EVL: variants seen among roughly 807,000 people sequenced by gnomAD.
EVL encodes Enah/Vasp-like, also known as ena/VASP-like protein.
In EVL, 21 loss-of-function variants were observed where a neutral mutation model predicts 59.6. That is an observed-to-expected ratio of 0.35 (90% CI 0.25 to 0.51). EVL has a LOEUF of 0.51. EVL is among the 20% of genes least tolerant of loss of function. The probability of loss-of-function intolerance (pLI) is 0.97; values close to 1 mark genes in which losing one functional copy is unlikely to be tolerated. For missense variants in EVL, 462 were observed against 546.6 expected (o/e 0.85, Z 1.54); for synonymous variants, 198 against 203.5 (o/e 0.97, Z 0.23).
At chr14:100,056,561 G>T (rs80001880) in intron 1 of EVL, among the ~76,000 whole-genome samples, 5 of 152,114 alleles carry the variant, frequency 3.3e-5, no homozygotes, top group Admixed American at 2.6e-4. Flanking sequence ...TTTCTTTTAT[G>T]CTACTTGCAT....
intron 1 of EVL, among the ~76,000 whole-genome samples, chr14:100,047,194 G>A (rs1453511885): frequency 1.5e-5 from 2 of 134,704 alleles, no homozygotes; most frequent in South Asian, 2.5e-4. Context: ...GACAGAAACT[G>A]TCCTTGGGTT....
chr14:99,982,450 G>T (rs939926338), intron 1 of EVL, among the ~76,000 whole-genome samples: 6 of 152,276 alleles, frequency 3.9e-5, no homozygotes, highest in South Asian at 2.1e-4. Flanking sequence ...TTTTAAAGAA[G>T]AAGAAGATAA....
At chr14:99,973,714 T>C (rs1165848394) in intron 1 of EVL, among the ~76,000 whole-genome samples, 1 of 152,194 alleles carries the variant, frequency 6.6e-6, no homozygotes, top group Non-Finnish European at 1.5e-5. Context: ...CAACCCGCCT[T>C]GGCCTCCCAA....
rs1311360049 is a variant in EVL, at chr14:100,058,280, T to C, written c.6-26407T>C. On this transcript the variant is annotated intron_variant, in intron 1 of 13. Coordinates refer to the EVL transcript ENST00000402714. ...TTAATTCAAGTCAACACAGTTGTTG[T>C]TTATTGAGCATTTACTGTTTTCAAA... 5.3e-5 allele frequency among the ~76,000 whole-genome samples: 8 copies of C among 152,240 alleles called. 1 individual carries two copies.
intron 1 of EVL, among the ~76,000 whole-genome samples, chr14:100,072,153 G>A (rs780654580): frequency 2.0e-5 from 3 of 152,038 alleles, no homozygotes; most frequent in Non-Finnish European, 2.9e-5. Flanking sequence ...GTAAGCAGAC[G>A]GCTCGATCAA....
At chr14:100,017,723 G>C (rs949135745) in intron 1 of EVL, among the ~76,000 whole-genome samples, 1 of 152,184 alleles carries the variant, frequency 6.6e-6, no homozygotes, top group Non-Finnish European at 1.5e-5. Context: ...CCAAGAAGCT[G>C]CCATCACCAG....
chr14:100,001,642 C>T (rs761666499), intron 1 of EVL, among the ~76,000 whole-genome samples: 45 of 152,148 alleles, frequency 3.0e-4, no homozygotes, highest in Non-Finnish European at 3.2e-4. Flanking sequence ...GGATTTGTAC[C>T]ATCAAATAAC....
At chr14:100,136,683 G>A (rs1416484500) in intron 9 of EVL, among the ~76,000 whole-genome samples, 2 of 152,062 alleles carry the variant, frequency 1.3e-5, no homozygotes, top group Non-Finnish European at 2.9e-5. Flanking sequence ...GTTGGGTGTC[G>A]CCTCCCTGTG....
chr14:100,102,882 G>A (rs1437148122), intron 3 of EVL, among the ~76,000 whole-genome samples: 1 of 152,118 alleles, frequency 6.6e-6, no homozygotes, highest in Admixed American at 6.5e-5. Context: ...CGGATCACAA[G>A]GTCAAGAGAT....
At chr14:100,077,816 A>G (rs1310332152) in intron 1 of EVL, among the ~76,000 whole-genome samples, 1 of 152,192 alleles carries the variant, frequency 6.6e-6, no homozygotes, top group Non-Finnish European at 1.5e-5. Flanking sequence ...TCTGTCGCCC[A>G]GGCTAGAGTG....
intron 1 of EVL, among the ~76,000 whole-genome samples, chr14:100,026,360 T>C (rs2061212638): frequency 7.3e-6 from 1 of 137,074 alleles, no homozygotes; most frequent in Non-Finnish European, 1.6e-5. Context: ...GTTAAGTAAT[T>C]TGCTTAAAGT....
intron 11 of EVL, chr14:100,138,800 GGCAA>G (rs750509736): frequency 1.3e-5 from 2 of 152,752 alleles, no homozygotes; most frequent in Non-Finnish European, 2.9e-5. Context: ...AGTGGGGTGG[GGCAA>G]GCCTCTGTCG....
At chr14:100,093,816 C>T (rs111654798) in intron 2 of EVL, among the ~76,000 whole-genome samples, 3 of 152,122 alleles carry the variant, frequency 2.0e-5, no homozygotes, top group African/African-American at 7.2e-5. Flanking sequence ...TGTGGCTTTG[C>T]TTTCTGAGGT....
intron 2 of EVL, among the ~76,000 whole-genome samples, chr14:100,090,221 GAA>G (rs1338552704): frequency 6.6e-6 from 1 of 151,954 alleles, no homozygotes; most frequent in Non-Finnish European, 1.5e-5. Context: ...TTGAGAGTGA[GAA>G]AGAGAAAACA....
intron 1 of EVL, among the ~76,000 whole-genome samples, chr14:100,006,002 G>T: frequency 3.7e-5 from 3 of 80,508 alleles, no homozygotes; most frequent in Admixed American, 1.8e-4. Context: ...CCCTTTTGCT[G>T]GCCATTTCCC....
At chr14:100,057,563 C>G (rs2061754147) in intron 1 of EVL, among the ~76,000 whole-genome samples, 1 of 152,080 alleles carries the variant, frequency 6.6e-6, no homozygotes, top group African/African-American at 2.4e-5. Flanking sequence ...AACAGTTGGA[C>G]TTCACAGAGC....
chr14:99,973,608 A>G (rs1006678669), intron 1 of EVL, among the ~76,000 whole-genome samples: 1 of 152,110 alleles, frequency 6.6e-6, no homozygotes, highest in Non-Finnish European at 1.5e-5. Flanking sequence ...GATTACAGGT[A>G]CGTACCACCA....
intron 1 of EVL, among the ~76,000 whole-genome samples, chr14:100,015,328 T>C (rs1406424529): frequency 3.9e-5 from 6 of 152,212 alleles, no homozygotes; most frequent in African/African-American, 1.4e-4. Context: ...TTGTTTAAAA[T>C]ATTCTCATTT....
intron 1 of EVL, among the ~76,000 whole-genome samples, chr14:99,997,620 G>A (rs1318910233): frequency 6.6e-6 from 1 of 152,310 alleles, no homozygotes; most frequent in African/African-American, 2.4e-5. Flanking sequence ...GGTGAAGAGA[G>A]GACAGACCTA....
Sources: allele counts gnomAD v4.1 joint callset (sites outside exome capture counted in the v4.1 genomes callset), GRCh38; gene constraint gnomAD v4.1.1; transcripts MANE v1.5; gene names NCBI Gene and HGNC (gene_info 2026-07-23, HGNC 2026-07-21).